Variants in PPARG observed in about 807,000 individuals in gnomAD.
PPARG encodes the protein peroxisome proliferator-activated receptor gamma.
PPARG carries 17 observed loss-of-function variants against 39.2 expected under a neutral mutation model. The ratio of observed to expected loss-of-function variants is 0.43; its 90% confidence interval spans 0.30 to 0.65. The LOEUF (loss-of-function observed/expected upper bound fraction) is 0.65. Ranked by LOEUF, PPARG falls within the 30% of genes least tolerant of loss-of-function variation. The pLI, the probability that PPARG is intolerant of heterozygous loss-of-function variation, is 0.13. For synonymous variants in PPARG, 223 were observed against 215.7 expected (o/e 1.03, Z -0.30); for missense variants, 406 against 585.9 (o/e 0.69, Z 3.17).
chr3:12,324,185 A>G (rs548261383), intron 2 of PPARG, among the ~76,000 whole-genome samples: 14 of 152,236 alleles, frequency 9.2e-5, no homozygotes, highest in Non-Finnish European at 8.8e-5. Flanking sequence ...AGGCTGAGGC[A>G]GGAAAATCTC....
At chr3:12,289,617 G>A (rs1202096709) in intron 1 of PPARG, among the ~76,000 whole-genome samples, 1 of 152,170 alleles carries the variant, frequency 6.6e-6, no homozygotes, top group Admixed American at 6.5e-5. Flanking sequence ...CAGGTTTCAG[G>A]TATTTTATGG....
At chr3:12,318,623 A>G (rs2047451855) in intron 2 of PPARG, among the ~76,000 whole-genome samples, 1 of 152,180 alleles carries the variant, frequency 6.6e-6, no homozygotes, top group South Asian at 2.1e-4. Context: ...TTTATTCTCA[A>G]CTTTCTGTTT....
At chr3:12,413,505 A>G (rs561196196) in intron 6 of PPARG, among the ~76,000 whole-genome samples, 2 of 152,192 alleles carry the variant, frequency 1.3e-5, no homozygotes, top group Non-Finnish European at 2.9e-5. Flanking sequence ...GAATGCAGAA[A>G]GGATTGAAAA....
chr3:12,323,128 A>G (rs987793426), intron 2 of PPARG, among the ~76,000 whole-genome samples: 2 of 152,170 alleles, frequency 1.3e-5, no homozygotes, highest in African/African-American at 4.8e-5. Context: ...TTGATAGCTT[A>G]TATGATTTGA....
At chr3:12,397,070 T>A (rs1329355989) in intron 5 of PPARG, among the ~76,000 whole-genome samples, 1 of 152,040 alleles carries the variant, frequency 6.6e-6, no homozygotes, top group Non-Finnish European at 1.5e-5. Context: ...TCTATAACAT[T>A]GAGATTTGGT....
intron 1 of PPARG, among the ~76,000 whole-genome samples, chr3:12,291,755 A>G (rs1021286571): frequency 2.0e-5 from 3 of 152,212 alleles, no homozygotes; most frequent in East Asian, 3.8e-4. Flanking sequence ...CAATAAGTAC[A>G]CATCAATATT....
intron 4 of PPARG, among the ~76,000 whole-genome samples, chr3:12,383,270 T>G (rs1413233067): frequency 6.6e-6 from 1 of 152,188 alleles, no homozygotes; most frequent in African/African-American, 2.4e-5. Flanking sequence ...AAGAGATGCT[T>G]TCATTTAAAA....
chr3:12,288,313 C>T (rs905287083), upstream of PPARG, among the ~76,000 whole-genome samples: 2 of 151,654 alleles, frequency 1.3e-5, no homozygotes, highest in Admixed American at 1.3e-4. Context: ...GGCTGAGGGT[C>T]GCGTCTACCG....
rs569743625 is a variant in PPARG at position 12,397,865 on chromosome 3, G to A, written c.529+5113G>A. On this transcript the variant is annotated intron_variant, in intron 5 of 7. Transcript: ENST00000651735. ...TCTACCCTGCGTGGACTCCAGAACC[G>A]CCCATGTTGGAGCCCACCTCCTCTC... Among the ~76,000 whole-genome samples, 47 of 152,074 alleles carry A rather than the reference G, an allele frequency of 3.1e-4. No homozygotes were observed. The South Asian group carries it at 7.7e-3, about 25-fold the overall frequency.
chr3:12,429,552 C>CAAA (rs753288907), intron 7 of PPARG, among the ~76,000 whole-genome samples: 14,235 of 98,520 alleles, frequency 0.14, 801 homozygotes, highest in Admixed American at 0.2. Flanking sequence ...CTGTCTCTAC[C>CAAA]AAAAAAAAAA....
At chr3:12,414,390 G>T (rs1054038717) in intron 6 of PPARG, among the ~76,000 whole-genome samples, 2 of 152,118 alleles carry the variant, frequency 1.3e-5, no homozygotes, top group African/African-American at 4.8e-5. Flanking sequence ...GCCAAAGCAG[G>T]ACGATCACTT....
Position 12,381,342 on chromosome 3 carries a change from G to T in PPARG, c.241G>T (p.Ala81Ser). The T allele has an allele frequency of 1.2e-6, 2 of 1,613,168 alleles. No homozygotes were observed. The highest frequency in any genetic ancestry group is 3.3e-5 in the Admixed American group (2 of 59,926). ...CACAGGTGCAATCAAAGTGGAGCCT[G>T]CATCTCCACCTTATTATTCTGAGAA... is the stretch of plus-strand genomic sequence containing the variant. The part of the protein sequence containing the change: ...EYQSAIKVEP[A>S]SPPYYSEKTQ... Residue 81 changes from alanine to serine, a missense_variant, in exon 4 of 8, where the codon GCA becomes TCA. Transcript: ENST00000651735.
chr3:12,405,922 G>A lies in PPARG; in HGVS notation c.570G>A (p.Lys190=), dbSNP rs2050643811. ...FGRMPQAEKE[K]LLAEISSDID... is the part of the protein sequence containing the mutation. ...GGATGCCACAGGCCGAGAAGGAGAA[G>A]CTGTTGGCGGAGATCTCCAGTGATA... The change falls in exon 6 of 8, where the codon AAG becomes AAA. Residue 190 remains lysine, a synonymous_variant. Transcript: ENST00000651735. 6.2e-7 allele frequency: 1 copy of A among 1,614,180 alleles called. No individual in the cohort carries two copies. Among genetic ancestry groups the A allele is most frequent in the Non-Finnish European group, 8.5e-7 (1 of 1,180,024 alleles).
intron 2 of PPARG, among the ~76,000 whole-genome samples, chr3:12,354,753 C>CAAAAA (rs71063823): frequency 8.6e-6 from 1 of 116,192 alleles, no homozygotes; most frequent in Non-Finnish European, 1.8e-5. Context: ...GACTCCATCT[C>CAAAAA]AAAAAAAAAA....
intron 5 of PPARG, 86 bp downstream of exon 5, chr3:12,392,838 G>A: frequency 6.6e-7 from 1 of 1,523,088 alleles, no homozygotes; most frequent in Non-Finnish European, 9.1e-7. Flanking sequence ...CCAAAAATGT[G>A]TACAGTTTTT....
At chr3:12,334,976 C>T (rs1358921912) in intron 2 of PPARG, among the ~76,000 whole-genome samples, 1 of 152,192 alleles carries the variant, frequency 6.6e-6, no homozygotes, top group African/African-American at 2.4e-5. Flanking sequence ...AGACTGGCCT[C>T]CTGTGATGAG....
At chr3:12,400,872 A>G (rs186677504) in intron 5 of PPARG, among the ~76,000 whole-genome samples, 6 of 152,334 alleles carry the variant, frequency 3.9e-5, no homozygotes, top group African/African-American at 1.4e-4. Flanking sequence ...AGAGAAGTTC[A>G]GTAATTTTCT....
At chr3:12,412,089 A>G (rs571520547) in intron 6 of PPARG, among the ~76,000 whole-genome samples, 3 of 152,148 alleles carry the variant, frequency 2.0e-5, no homozygotes, top group Non-Finnish European at 4.4e-5. Flanking sequence ...CAAATTAGAA[A>G]AGTCACCCAG....
At chr3:12,396,108 G>T (rs1254906802) in intron 5 of PPARG, among the ~76,000 whole-genome samples, 2 of 151,960 alleles carry the variant, frequency 1.3e-5, no homozygotes, top group Non-Finnish European at 2.9e-5. Context: ...TTAAAAATAT[G>T]TCTTCTTTAT....
Sources: gnomAD v4.1 joint callset for allele counts (sites outside exome capture counted in the v4.1 genomes callset) on GRCh38, gnomAD v4.1.1 for gene constraint, MANE v1.5 for transcripts, NCBI Gene and HGNC (gene_info 2026-07-23, HGNC 2026-07-21) for gene names.